The following VCPIP1 variants were observed in gnomAD, a reference collection of about 807,000 sequenced individuals.
VCPIP1 encodes the protein valosin containing protein interacting protein 1.
A neutral mutation model predicts 85.0 loss-of-function variants in VCPIP1; 8 were observed. That is an observed-to-expected ratio of 0.09 (90% CI 0.06 to 0.17). VCPIP1 has a LOEUF of 0.17. Ranked by LOEUF, VCPIP1 falls within the 10% of genes least tolerant of loss-of-function variation. The probability of loss-of-function intolerance (pLI) is 1.00; values close to 1 mark genes in which losing one functional copy is unlikely to be tolerated. For missense variants in VCPIP1, 1,070 were observed against 1,486.3 expected, an observed-to-expected ratio of 0.72 and a Z score of 4.61; for synonymous variants, 543 against 544.5, an observed-to-expected ratio of 1.00 and a Z score of 0.04.
In VCPIP1 at chr8:66,664,832, C is replaced by G; in HGVS notation, c.2127G>C (p.Met709Ile). ...GTTGAATAGTTCTTTCAGTTTTACT[C>G]ATGTTTAACTCCTCCTTGTGCAAAG... ...TKTLHKEELN[M>I]SKTERTIQQN... Residue 709 changes from methionine to isoleucine, a missense_variant, in exon 1 of 3, where the codon ATG (methionine) becomes ATC (isoleucine). By Grantham distance (10) the Met-to-Ile change is conservative. Coordinates refer to ENST00000310421, the MANE Select transcript of VCPIP1 (RefSeq NM_025054.5). 4 of 1,613,258 alleles carry G rather than the reference C, an allele frequency of 2.5e-6. No homozygotes were observed. The highest frequency in any genetic ancestry group is 3.4e-6 in the Non-Finnish European group (4 of 1,179,760).
chr8:66,661,765 ATT>A (rs113453783), intron 1 of VCPIP1, among the ~76,000 whole-genome samples: 18 of 135,834 alleles, frequency 1.3e-4, no homozygotes, highest in East Asian at 2.2e-4. Context: ...TACCGATCAG[ATT>A]TTTTTTTTTT....
At chr8:66,638,964 C>CTATA (rs765356671) in intron 2 of VCPIP1, among the ~76,000 whole-genome samples, 46 of 132,632 alleles carry the variant, frequency 3.5e-4, no homozygotes, top group African/African-American at 6.5e-4. Context: ...CTCTCTCTCT[C>CTATA]TCTCTCTATA....
At chr8:66,651,041 C>T (rs533887779) in intron 2 of VCPIP1, among the ~76,000 whole-genome samples, 7 of 151,222 alleles carry the variant, frequency 4.6e-5, no homozygotes, top group African/African-American at 9.7e-5. Context: ...CAAAATTAGC[C>T]GGGCATGGTA....
rs1248196990 is a variant in VCPIP1, at chr8:66,634,961, G to C, written c.3209C>G (p.Ser1070Cys). ...FSNSSTKTEP[S>C]VFTASSSNSE... The stretch of plus-strand genomic sequence containing the variant: ...ATTACTAGAAGAAGCTGTGAATACA[G>C]AAGGCTCTGTTTTAGTGGAACTATT... Residue 1070 changes from serine to cysteine, a missense_variant, in exon 3 of 3, where the codon TCT becomes TGT. Transcript: ENST00000310421. The C allele has an allele frequency of 6.2e-7, 1 of 1,613,532 alleles. No homozygotes were observed. Among genetic ancestry groups the C allele is most frequent in the African/African-American group, 1.3e-5 (1 of 75,042 alleles).
chr8:66,643,661 C>T (rs1810968612), intron 2 of VCPIP1, among the ~76,000 whole-genome samples: 1 of 149,502 alleles, frequency 6.7e-6, no homozygotes, highest in African/African-American at 2.5e-5. Context: ...CAAGATTGCA[C>T]CACTGCACTC....
At chr8:66,651,613 G>T in intron 1 of VCPIP1, 69 bp from the exon 2 acceptor site, 6 of 1,297,060 alleles carry the variant, frequency 4.6e-6, no homozygotes, top group Non-Finnish European at 6.6e-6. Flanking sequence ...GCTTTAGTAA[G>T]GATTAGCCTA....
intron 2 of VCPIP1, among the ~76,000 whole-genome samples, chr8:66,638,970 C>CTCTCTCTATATATATATATATATATATA: frequency 8.4e-5 from 10 of 118,434 alleles, no homozygotes; most frequent in African/African-American, 3.5e-4. Flanking sequence ...CTCTCTCTCT[C>CTCTCTCTATATATATATATATATATATA]TATATATATA....
At chr8:66,651,581 CAA>C (rs752391961) in intron 1 of VCPIP1, 37 bp from the exon 2 acceptor site, 83 of 1,556,568 alleles carry the variant, frequency 5.3e-5, no homozygotes, top group Non-Finnish European at 7.1e-5. Context: ...TAGCAACAAA[CAA>C]AAGAGTTCCA....
chr8:66,644,869 G>A (rs1031712693), intron 2 of VCPIP1, among the ~76,000 whole-genome samples: 2 of 151,422 alleles, frequency 1.3e-5, no homozygotes, highest in African/African-American at 2.4e-5. Flanking sequence ...AGGCTGAGGC[G>A]GGCGGATTAC....
intron 2 of VCPIP1, among the ~76,000 whole-genome samples, chr8:66,641,534 C>T (rs996419335): frequency 2.0e-5 from 3 of 152,046 alleles, no homozygotes; most frequent in Admixed American, 6.6e-5. Flanking sequence ...CAGTTTTTAG[C>T]GTATTCACAA....
At chr8:66,635,577 T>A (rs1009355532) in intron 2 of VCPIP1, among the ~76,000 whole-genome samples, 1 of 152,182 alleles carries the variant, frequency 6.6e-6, no homozygotes, top group Non-Finnish European at 1.5e-5. Flanking sequence ...AGAATCTTTT[T>A]TAAAAAAATT....
At chr8:66,655,660 T>C (rs1288897638) in intron 1 of VCPIP1, among the ~76,000 whole-genome samples, 1 of 152,148 alleles carries the variant, frequency 6.6e-6, no homozygotes, top group Non-Finnish European at 1.5e-5. Context: ...AATCTTGTTT[T>C]CTCTTCAAGA....
intron 1 of VCPIP1, among the ~76,000 whole-genome samples, chr8:66,660,810 G>A (rs1041944405): frequency 7.9e-5 from 12 of 152,132 alleles, no homozygotes; most frequent in African/African-American, 1.9e-4. Flanking sequence ...TTGGGAGGCC[G>A]AGGAGGGCGG....
In VCPIP1 at chr8:66,664,763, T is replaced by G. The variant is rs1037375517; in HGVS notation, c.2196A>C (p.Thr732=). 1 of 1,612,878 alleles carries G rather than the reference T, an allele frequency of 6.2e-7. No homozygotes were observed. The highest frequency in any genetic ancestry group is 1.7e-5 in the Admixed American group (1 of 59,604). Reference sequence around the variant, plus strand: ...CTTTTTGTTCTTGTTTTAACTTCTCTGTTTTCCGTTTCTGCATTACAGAAG... The same window carrying G: ...CTTTTTGTTCTTGTTTTAACTTCTCGGTTTTCCGTTTCTGCATTACAGAAG... ...EQASVMQKRK[T]EKLKQEQKGQ... is the part of the protein sequence containing the mutation. Residue 732 remains threonine (T), a synonymous_variant, in exon 1 of 3, where the codon ACA becomes ACC. Coordinates refer to ENST00000310421, the MANE Select transcript of VCPIP1 (RefSeq NM_025054.5).
Position 66,665,328 on chromosome 8 carries a change from G to A in VCPIP1, c.1631C>T (p.Thr544Ile), listed in dbSNP as rs758214022. The change falls in exon 1 of 3, where the codon ACA (threonine) becomes ATA (isoleucine). Residue 544 changes from threonine to isoleucine, a missense_variant. This residue lies in a region of VCPIP1 where 123 missense variants were observed against 156.3 expected (regional missense o/e 0.79). Coordinates refer to ENST00000310421, the MANE Select transcript of VCPIP1 (RefSeq NM_025054.5). This position sits in a 1 kb window ranked among gnomAD's most constrained non-coding sequence, Gnocchi z 4.3. ...NLTACNWCHG[T>I]SVRKVRGDGS... ...ATCTCCTCTGACCTTTCGCACAGAT[G>A]TGCCATGGCACCAATTACAAGCTGT... The A allele has an allele frequency of 5.6e-6, 9 of 1,613,834 alleles. No individual in the cohort carries two copies. Among genetic ancestry groups the A allele is most frequent in the African/African-American group, 1.3e-5 (1 of 74,926 alleles).
Position 66,664,956 on chromosome 8 carries a change from A to C in VCPIP1, c.2003T>G (p.Ile668Arg). Residue 668 changes from isoleucine to arginine, a missense_variant, in exon 1 of 3, where the codon ATA becomes AGA. Ile to Arg is a moderately conservative substitution (Grantham distance 97). Coordinates refer to ENST00000310421, the MANE Select transcript of VCPIP1 (RefSeq NM_025054.5). ...KNPDDYTPVNIDGAHAQRVGD... is the reference protein window; with the variant it reads ...KNPDDYTPVNRDGAHAQRVGD... ...AACTCTTTGGGCGTGAGCACCATCT[A>C]TATTTACAGGAGTATAATCATCGGG... is the stretch of plus-strand genomic sequence containing the variant. 6.2e-7 allele frequency: 1 copy of C among 1,614,084 alleles called. No individual in the cohort carries two copies. Among genetic ancestry groups the C allele is most frequent in the South Asian group, 1.1e-5 (1 of 91,072 alleles).
chr8:66,658,441 T>C (rs1311128294), intron 1 of VCPIP1, among the ~76,000 whole-genome samples: 1 of 151,836 alleles, frequency 6.6e-6, no homozygotes, highest in East Asian at 1.9e-4. Context: ...TAATATTCAG[T>C]TGTCACCTAA....
intron 1 of VCPIP1, among the ~76,000 whole-genome samples, chr8:66,653,880 C>G (rs998385578): frequency 5.3e-5 from 8 of 152,136 alleles, no homozygotes; most frequent in African/African-American, 1.9e-4. Context: ...ATATATTAAT[C>G]ATAAGATTTT....
intron 2 of VCPIP1, among the ~76,000 whole-genome samples, chr8:66,647,245 G>A (rs1363060776): frequency 6.7e-6 from 1 of 149,538 alleles, no homozygotes; most frequent in African/African-American, 2.5e-5. Flanking sequence ...GGAGACTGAG[G>A]CAGGAGAATG....
Sources: gnomAD v4.1 joint callset for allele counts (sites outside exome capture counted in the v4.1 genomes callset) on GRCh38, gnomAD v4.1.1 for gene constraint, gnomAD v4.1.1 regional missense constraint, Gnocchi (gnomAD v3.1) non-coding constraint, MANE v1.5 for transcripts, NCBI Gene and HGNC (gene_info 2026-07-23, HGNC 2026-07-21) for gene names.